Variants in LUZP2 observed in about 807,000 individuals in gnomAD.
The protein encoded by LUZP2 is leucine zipper protein 2.
In LUZP2, 52 loss-of-function variants were observed where a neutral mutation model predicts 51.6. That is an observed-to-expected ratio of 1.01 (90% CI 0.81 to 1.27). The LOEUF is 1.27. Ranked by LOEUF, LUZP2 falls within the 50% of genes most tolerant of loss-of-function variation. The probability of loss-of-function intolerance (pLI) is 0.00; values close to 1 mark genes in which losing one functional copy is unlikely to be tolerated. For missense variants in LUZP2, 436 were observed against 395.4 expected (o/e 1.10, Z -0.87); for synonymous variants, 154 against 137.3 (o/e 1.12, Z -0.85).
rs1469927403 is a variant in LUZP2, at chr11:25,081,389, ACTGTGT to A, written c.*2732_*2737del. On this transcript the variant is annotated 3_prime_UTR_variant, in exon 12 of 12. Transcript: ENST00000336930. ...TGGCATTATACATCCAGCAAAGTTT[ACTGTGT>A]TATACTCATTGCATCATTTGTTTAA... 6.6e-6 allele frequency: 1 copy of A among 151,436 alleles called. No individual in the cohort carries two copies. The highest frequency in any genetic ancestry group is 1.5e-5 in the Non-Finnish European group (1 of 67,902). The allele number at this position is 151,436 out of a possible 1,614,324, so 9.4% of individuals were successfully genotyped here. A position where few individuals can be genotyped will look rare whatever the true frequency, so the allele number is the denominator to read the frequency against.
intron 5 of LUZP2, among the ~76,000 whole-genome samples, chr11:24,905,122 T>TAA (rs1189525280): frequency 6.6e-6 from 1 of 152,132 alleles, no homozygotes; most frequent in Non-Finnish European, 1.5e-5. Flanking sequence ...TGTATATATA[T>TAA]AATAACAGAT....
At chr11:24,572,042 T>C (rs1008223509) in intron 1 of LUZP2, among the ~76,000 whole-genome samples, 1 of 151,938 alleles carries the variant, frequency 6.6e-6, no homozygotes, top group African/African-American at 2.4e-5. Context: ...TTTATGTGTA[T>C]GTGGAGCATA....
chr11:24,620,348 CA>C (rs1169415650), intron 1 of LUZP2, among the ~76,000 whole-genome samples: 3 of 151,628 alleles, frequency 2.0e-5, no homozygotes, highest in Admixed American at 6.6e-5. Context: ...TTTTGCAGTA[CA>C]GGGGTATTGA....
intron 1 of LUZP2, among the ~76,000 whole-genome samples, chr11:24,578,459 T>C (rs1285873263): frequency 6.6e-6 from 1 of 152,038 alleles, no homozygotes; most frequent in African/African-American, 2.4e-5. Flanking sequence ...ATTTGAAACT[T>C]GGTTTGTCTA....
chr11:25,013,520 G>C (rs189690182), intron 9 of LUZP2, among the ~76,000 whole-genome samples: 7 of 152,164 alleles, frequency 4.6e-5, no homozygotes, highest in African/African-American at 1.7e-4. Flanking sequence ...TAAAATGTTT[G>C]ATCTCTTGAA....
At chr11:24,915,673 G>A (rs897715487) in intron 7 of LUZP2, among the ~76,000 whole-genome samples, 13 of 150,662 alleles carry the variant, frequency 8.6e-5, no homozygotes, top group African/African-American at 3.2e-4. Context: ...ATAGATGATA[G>A]ATAGATAGAT....
At chr11:24,853,394 C>A (rs575817453) in intron 5 of LUZP2, among the ~76,000 whole-genome samples, 14 of 151,810 alleles carry the variant, frequency 9.2e-5, no homozygotes, top group Admixed American at 2.6e-4. Context: ...GATATCTTTT[C>A]TTCTGCTTGA....
chr11:24,605,476 G>A (rs1044839197), intron 1 of LUZP2, among the ~76,000 whole-genome samples: 4 of 151,312 alleles, frequency 2.6e-5, no homozygotes, highest in Non-Finnish European at 1.5e-5. Flanking sequence ...TGACAATAAA[G>A]TTATATAATA....
intron 1 of LUZP2, among the ~76,000 whole-genome samples, chr11:24,557,097 C>T (rs1232916319): frequency 1.3e-5 from 2 of 152,108 alleles, no homozygotes; most frequent in African/African-American, 4.8e-5. Context: ...CGGGTATTTC[C>T]ATACTATCCT....
In LUZP2 at chr11:25,023,939, T is replaced by C. The variant is rs184758368; in HGVS notation, c.766-26099T>C. Among the ~76,000 whole-genome samples the C allele has an allele frequency of 7.9e-3, 1,199 of 152,124 alleles. 35 individuals carry two copies. In the East Asian group the frequency reaches 0.099, roughly 13 times the overall value. On this transcript the variant is annotated intron_variant, in intron 9 of 11. Transcript: ENST00000336930. ...GTTGTTCAGTTTCCATGTAGTTGAG[T>C]GGTTTTGAGTGAGTTTCTTAATCCT...
intron 1 of LUZP2, among the ~76,000 whole-genome samples, chr11:24,707,754 G>A (rs1857647235): frequency 6.6e-6 from 1 of 152,158 alleles, no homozygotes; most frequent in Non-Finnish European, 1.5e-5. Context: ...GGTAAGGGTT[G>A]TTATATATAA....
At chr11:24,981,795 G>A (rs1419580110) in intron 8 of LUZP2, among the ~76,000 whole-genome samples, 3 of 151,818 alleles carry the variant, frequency 2.0e-5, no homozygotes, top group Non-Finnish European at 4.4e-5. Context: ...AAGAAAGATG[G>A]CAAGTTTCAT....
chr11:24,763,804 CTTT>C (rs1860078844), intron 5 of LUZP2, among the ~76,000 whole-genome samples: 1 of 152,016 alleles, frequency 6.6e-6, no homozygotes. Flanking sequence ...CATTTTTCTT[CTTT>C]GATTCTTTAT....
chr11:24,976,973 A>G (rs1267967999), intron 8 of LUZP2, among the ~76,000 whole-genome samples: 2 of 151,756 alleles, frequency 1.3e-5, no homozygotes, highest in Non-Finnish European at 2.9e-5. Flanking sequence ...AGCATCAACT[A>G]AGGCACTATA....
intron 9 of LUZP2, among the ~76,000 whole-genome samples, chr11:25,008,132 T>A (rs1856885154): frequency 6.6e-6 from 1 of 152,224 alleles, no homozygotes; most frequent in Non-Finnish European, 1.5e-5. Context: ...GGTTGACTAC[T>A]GGGCTTGCTC....
chr11:24,813,088 TGTCCA>T (rs1458588489), intron 5 of LUZP2, among the ~76,000 whole-genome samples: 1 of 152,232 alleles, frequency 6.6e-6, no homozygotes, highest in Admixed American at 6.5e-5. Flanking sequence ...TAATTACTTT[TGTCCA>T]GATTGATACT....
chr11:24,662,149 A>AAC (rs2133984178), intron 1 of LUZP2, among the ~76,000 whole-genome samples: 1 of 152,304 alleles, frequency 6.6e-6, no homozygotes, highest in South Asian at 2.1e-4. Context: ...GAGAAGCATC[A>AAC]ACATGATAAA....
At chr11:24,605,097 A>G (rs1565023455) in intron 1 of LUZP2, among the ~76,000 whole-genome samples, 1 of 151,734 alleles carries the variant, frequency 6.6e-6, no homozygotes, top group Non-Finnish European at 1.5e-5. Flanking sequence ...CATTGGTGCA[A>G]AGAAGAAAGT....
intron 7 of LUZP2, among the ~76,000 whole-genome samples, chr11:24,916,625 G>C (rs1313219739): frequency 6.6e-6 from 1 of 152,074 alleles, no homozygotes; most frequent in South Asian, 2.1e-4. Context: ...GAGAATGATA[G>C]TTTCCAGCTT....
Sources: allele counts gnomAD v4.1 joint callset (sites outside exome capture counted in the v4.1 genomes callset), GRCh38; gene constraint gnomAD v4.1.1; transcripts MANE v1.5; gene names NCBI Gene and HGNC (gene_info 2026-07-23, HGNC 2026-07-21).